The following TAS2R1 variants were observed in gnomAD, a reference collection of about 807,000 sequenced individuals.
TAS2R1 encodes taste 2 receptor member 1.
For synonymous variants in TAS2R1, 141 were observed against 134.2 expected (o/e 1.05, Z -0.35); for missense variants, 370 against 353.4 (o/e 1.05, Z -0.38).
chr5:9,629,062 G>T lies in TAS2R1; in HGVS notation c.*71C>A. 6.9e-7 allele frequency: 1 copy of T among 1,453,186 alleles called. No homozygotes were observed. The highest frequency in any genetic ancestry group is 9.2e-7 in the Non-Finnish European group (1 of 1,089,986). The allele number at this position is 1,453,186 out of a possible 1,614,324, so 90.0% of individuals were successfully genotyped here. ...ATTTATGAACAGGCTGCTTTGTCTG[G>T]CTGAGGGAAGTGTGGCAGGCATGGG... On this transcript the variant is annotated 3_prime_UTR_variant, in exon 1 of 1. Coordinates refer to ENST00000382492, the MANE Select transcript of TAS2R1 (RefSeq NM_019599.3).
chr5:9,676,848 C>T (rs1239406467), intron 1 of TAS2R1, among the ~76,000 whole-genome samples: 1 of 152,122 alleles, frequency 6.6e-6, no homozygotes, highest in Non-Finnish European at 1.5e-5. Flanking sequence ...GACAGTGTGG[C>T]TATTCCTCAA....
the TAS2R1 span, among the ~76,000 whole-genome samples, chr5:9,766,998 A>T: frequency 6.6e-6 from 1 of 151,990 alleles, no homozygotes; most frequent in African/African-American, 2.4e-5. Context: ...TTCTTTCATG[A>T]GTCTAAACAA....
the TAS2R1 span, among the ~76,000 whole-genome samples, chr5:9,784,022 A>G: frequency 6.6e-6 from 1 of 152,212 alleles, no homozygotes; most frequent in African/African-American, 2.4e-5. Flanking sequence ...TTTCCACAGT[A>G]AAATAAGTAT....
the TAS2R1 span, among the ~76,000 whole-genome samples, chr5:9,725,328 C>T: frequency 2.6e-5 from 4 of 152,230 alleles, no homozygotes; most frequent in Non-Finnish European, 5.9e-5. Flanking sequence ...CGAGCGGGAA[C>T]CGGGGCTGCG....
the TAS2R1 span, among the ~76,000 whole-genome samples, chr5:9,756,589 C>G: frequency 2.0e-5 from 3 of 152,138 alleles, no homozygotes; most frequent in Non-Finnish European, 4.4e-5. Context: ...AAATACATAG[C>G]ACATAAAACA....
the TAS2R1 span, among the ~76,000 whole-genome samples, chr5:9,833,233 T>A: frequency 6.6e-6 from 1 of 152,158 alleles, no homozygotes; most frequent in Non-Finnish European, 1.5e-5. Context: ...CCGTAAGGAA[T>A]TTTCTTGTAG....
At chr5:9,736,024 C>A in the TAS2R1 span, among the ~76,000 whole-genome samples, 1 of 152,192 alleles carries the variant, frequency 6.6e-6, no homozygotes, top group African/African-American at 2.4e-5. Context: ...CTTACACTTG[C>A]TGTTACTCAT....
chr5:9,790,476 G>A, the TAS2R1 span, among the ~76,000 whole-genome samples: 34 of 152,240 alleles, frequency 2.2e-4, 1 homozygote, highest in Middle Eastern at 6.8e-3. Context: ...ACTGTGTCAC[G>A]GCTGTTTCCC....
At chr5:9,851,833 C>A in the TAS2R1 span, among the ~76,000 whole-genome samples, 2 of 152,196 alleles carry the variant, frequency 1.3e-5, no homozygotes, top group Non-Finnish European at 2.9e-5. Context: ...TCAAGCTTTG[C>A]TGGTCACACT....
At chr5:9,710,852 C>G (rs1741717236) in intron 1 of TAS2R1, among the ~76,000 whole-genome samples, 1 of 148,358 alleles carries the variant, frequency 6.7e-6, no homozygotes, top group Non-Finnish European at 1.5e-5. Flanking sequence ...CACCCCACAC[C>G]TGTTAGGATG....
the TAS2R1 span, among the ~76,000 whole-genome samples, chr5:9,812,589 C>T: frequency 2.0e-5 from 3 of 152,128 alleles, no homozygotes; most frequent in Non-Finnish European, 4.4e-5. Flanking sequence ...CAGAACCCCA[C>T]AGAAAACTAC....
the TAS2R1 span, among the ~76,000 whole-genome samples, chr5:9,771,560 CT>C: frequency 6.6e-6 from 1 of 152,006 alleles, no homozygotes; most frequent in East Asian, 1.9e-4. Flanking sequence ...CTTTCCTCCT[CT>C]TTTTTCAGAA....
intron 1 of TAS2R1, among the ~76,000 whole-genome samples, chr5:9,684,170 T>C (rs973699962): frequency 1.3e-5 from 2 of 152,180 alleles, no homozygotes; most frequent in Non-Finnish European, 2.9e-5. Context: ...AATGGATGAA[T>C]GGATAAAGAA....
upstream of TAS2R1, among the ~76,000 whole-genome samples, chr5:9,715,533 C>T (rs570136196): frequency 6.6e-6 from 1 of 152,204 alleles, no homozygotes; most frequent in African/African-American, 2.4e-5. Context: ...CAAAGGTGCT[C>T]CCAAGGGAGT....
intron 1 of TAS2R1, among the ~76,000 whole-genome samples, chr5:9,709,314 A>G (rs965878932): frequency 2.0e-5 from 3 of 151,960 alleles, no homozygotes; most frequent in African/African-American, 7.2e-5. Flanking sequence ...CTGCCAGTTC[A>G]GTTTCTTTCT....
the TAS2R1 span, among the ~76,000 whole-genome samples, chr5:9,751,244 A>G: frequency 7.2e-5 from 11 of 152,104 alleles, no homozygotes; most frequent in Admixed American, 4.6e-4. Context: ...CACAGGTTTC[A>G]TAAGACCTAC....
the TAS2R1 span, chr5:9,862,994 G>T: frequency 1.3e-5 from 2 of 152,152 alleles, no homozygotes; most frequent in African/African-American, 4.8e-5. Context: ...GACATGGCTG[G>T]CTCCAGCTCT....
At chr5:9,702,835 G>A (rs752829775) in intron 1 of TAS2R1, among the ~76,000 whole-genome samples, 5 of 152,102 alleles carry the variant, frequency 3.3e-5, no homozygotes, top group Non-Finnish European at 2.9e-5. Flanking sequence ...AGGGCATTGG[G>A]GGTGGGGGTG....
the TAS2R1 span, among the ~76,000 whole-genome samples, chr5:9,785,882 T>G: frequency 2.6e-5 from 4 of 152,210 alleles, no homozygotes; most frequent in Non-Finnish European, 4.4e-5. Flanking sequence ...ATGCTAGACT[T>G]GGCTCTGGAA....
Sources: gnomAD v4.1 joint callset for allele counts (sites outside exome capture counted in the v4.1 genomes callset) on GRCh38, gnomAD v4.1.1 for gene constraint, MANE v1.5 for transcripts, NCBI Gene and HGNC (gene_info 2026-07-23, HGNC 2026-07-21) for gene names.